The following SLC24A2 variants were observed in gnomAD, a reference collection of about 807,000 sequenced individuals.
The protein encoded by SLC24A2 is solute carrier family 24 member 2.
In SLC24A2, 36 loss-of-function variants were observed where a neutral mutation model predicts 62.0. The ratio of observed to expected loss-of-function variants is 0.58; its 90% CI spans 0.44 to 0.77. The LOEUF is 0.77. SLC24A2 is among the 30% of genes least tolerant of loss of function. SLC24A2 has a pLI of 0.00. For synonymous variants in SLC24A2, 358 were observed against 294.0 expected, an observed-to-expected ratio of 1.22 and a Z score of -2.23; for missense variants, 846 against 817.9, an observed-to-expected ratio of 1.03 and a Z score of -0.42.
chr9:19,974,642 A>G, the SLC24A2 span, among the ~76,000 whole-genome samples: 7 of 152,186 alleles, frequency 4.6e-5, no homozygotes. Flanking sequence ...AGAACACCAT[A>G]TAGGATTAGT....
At chr9:20,141,892 C>T in the SLC24A2 span, among the ~76,000 whole-genome samples, 8 of 152,112 alleles carry the variant, frequency 5.3e-5, no homozygotes, top group Non-Finnish European at 8.8e-5. Context: ...AGACCAGCCT[C>T]GCCAACATGG....
the SLC24A2 span, among the ~76,000 whole-genome samples, chr9:20,202,050 G>GGTGTGTGT: frequency 0.011 from 1,601 of 141,754 alleles, 23 homozygotes; most frequent in East Asian, 0.04. Flanking sequence ...CCCATTTCAT[G>GGTGTGTGT]GTGTGTGTGT....
intron 10 of SLC24A2, among the ~76,000 whole-genome samples, chr9:19,519,224 C>G (rs899388921): frequency 6.6e-6 from 1 of 151,978 alleles, no homozygotes; most frequent in African/African-American, 2.4e-5. Context: ...TAAAAGCCTT[C>G]CAAGTAGATA....
intron 9 of SLC24A2, among the ~76,000 whole-genome samples, chr9:19,522,588 G>C (rs1833254876): frequency 1.3e-5 from 2 of 152,140 alleles, no homozygotes; most frequent in Non-Finnish European, 2.9e-5. Flanking sequence ...GCCTGCTCCA[G>C]AGCCTGGTGA....
the SLC24A2 span, among the ~76,000 whole-genome samples, chr9:19,865,611 CT>C: frequency 6.6e-6 from 1 of 152,030 alleles, no homozygotes; most frequent in Admixed American, 6.6e-5. Flanking sequence ...AAGATAGTCT[CT>C]TGAATAAATG....
At chr9:19,665,399 G>C (rs1385585880) in intron 2 of SLC24A2, among the ~76,000 whole-genome samples, 1 of 152,066 alleles carries the variant, frequency 6.6e-6, no homozygotes, top group East Asian at 1.9e-4. Context: ...GGGATGCTCA[G>C]GTTTCTGGCC....
intron 2 of SLC24A2, among the ~76,000 whole-genome samples, chr9:19,691,734 A>G (rs990986886): frequency 1.3e-5 from 2 of 152,134 alleles, no homozygotes; most frequent in African/African-American, 4.8e-5. Flanking sequence ...TACCACCTAA[A>G]ATCTTTTCAA....
chr9:19,683,028 G>A (rs1005174963), intron 2 of SLC24A2, among the ~76,000 whole-genome samples: 29 of 152,166 alleles, frequency 1.9e-4, no homozygotes, highest in African/African-American at 5.5e-4. Context: ...GGGACCCACC[G>A]TGAAAAATCA....
the SLC24A2 span, among the ~76,000 whole-genome samples, chr9:20,055,601 T>C: frequency 6.6e-6 from 1 of 152,150 alleles, no homozygotes; most frequent in South Asian, 2.1e-4. Flanking sequence ...AACTTAGACA[T>C]ACCAGGCCAG....
chr9:19,802,753 A>G, the SLC24A2 span, among the ~76,000 whole-genome samples: 813 of 152,330 alleles, frequency 5.3e-3, 8 homozygotes, highest in African/African-American at 0.019. Context: ...TTAGGCATCA[A>G]TATTTAATAA....
the SLC24A2 span, among the ~76,000 whole-genome samples, chr9:20,252,582 C>T: frequency 5.9e-5 from 9 of 152,302 alleles, no homozygotes; most frequent in African/African-American, 2.2e-4. Context: ...CCCAAAACAA[C>T]ATTATGAAAC....
At chr9:20,107,662 A>G in the SLC24A2 span, among the ~76,000 whole-genome samples, 3 of 152,176 alleles carry the variant, frequency 2.0e-5, no homozygotes, top group Non-Finnish European at 4.4e-5. Flanking sequence ...CTGAAACTGG[A>G]TCCCTTCCTT....
intron 2 of SLC24A2, among the ~76,000 whole-genome samples, chr9:19,681,951 A>C (rs925316541): frequency 2.6e-5 from 4 of 151,540 alleles, no homozygotes; most frequent in Non-Finnish European, 1.5e-5. Flanking sequence ...TGCAGAAACA[A>C]CTCCTTCATG....
At chr9:20,059,373 A>T in the SLC24A2 span, among the ~76,000 whole-genome samples, 1 of 152,200 alleles carries the variant, frequency 6.6e-6, no homozygotes, top group Admixed American at 6.5e-5. Context: ...TACATGGAAT[A>T]TTTTCCAGGA....
At chr9:20,282,545 A>T in the SLC24A2 span, among the ~76,000 whole-genome samples, 1 of 152,230 alleles carries the variant, frequency 6.6e-6, no homozygotes, top group Non-Finnish European at 1.5e-5. Flanking sequence ...AGTGATAGAA[A>T]TGCAAATTCA....
chr9:20,262,884 T>C, the SLC24A2 span, among the ~76,000 whole-genome samples: 2 of 113,626 alleles, frequency 1.8e-5, no homozygotes, highest in Non-Finnish European at 1.8e-5. Context: ...GCAGGGTTGG[T>C]TTTGAATCTT....
the SLC24A2 span, among the ~76,000 whole-genome samples, chr9:20,223,680 A>G: frequency 1.3e-5 from 2 of 152,176 alleles, no homozygotes; most frequent in African/African-American, 4.8e-5. Flanking sequence ...GCCAGTGTAC[A>G]TGGGAAAAAT....
chr9:20,198,091 G>A, the SLC24A2 span, among the ~76,000 whole-genome samples: 1 of 152,184 alleles, frequency 6.6e-6, no homozygotes, highest in African/African-American at 2.4e-5. Context: ...GTAGCCCCAG[G>A]TACCAAGGCT....
chr9:19,914,636 C>G, the SLC24A2 span, among the ~76,000 whole-genome samples: 26 of 152,252 alleles, frequency 1.7e-4, no homozygotes, highest in African/African-American at 6.0e-4. Context: ...CTGTTCACCC[C>G]TCTGGCATAA....
Sources: allele counts gnomAD v4.1 joint callset (sites outside exome capture counted in the v4.1 genomes callset), GRCh38; gene constraint gnomAD v4.1.1; transcripts MANE v1.5; gene names NCBI Gene and HGNC (gene_info 2026-07-23, HGNC 2026-07-21).